The following GARIN3 variants were observed in gnomAD, a reference collection of about 807,000 sequenced individuals.
GARIN3 encodes Golgi-associated RAB2 interactor protein 3.
At chr5:157,164,974 G>A in the GARIN3 span, among the ~76,000 whole-genome samples, 6 of 152,094 alleles carry the variant, frequency 3.9e-5, no homozygotes, top group Non-Finnish European at 7.4e-5. Flanking sequence ...AGCCGAGATC[G>A]TGCCATTGCA....
At chr5:157,162,775 C>A in the GARIN3 span, 8 of 1,614,192 alleles carry the variant, frequency 5.0e-6, no homozygotes, top group Admixed American at 1.2e-4. Context: ...GGAGCTCTTG[C>A]GAGAGGAGCC....
At chr5:157,166,032 A>T in the GARIN3 span, 1 of 1,614,118 alleles carries the variant, frequency 6.2e-7, no homozygotes, top group Non-Finnish European at 8.5e-7. Context: ...ACTCTCGAAC[A>T]TTGGTGCATA....
the GARIN3 span, chr5:157,165,985 C>G: frequency 6.2e-7 from 1 of 1,614,182 alleles, no homozygotes. Flanking sequence ...TTGTGTACAT[C>G]AATCACCTCT....
At chr5:157,165,871 C>T in the GARIN3 span, 2 of 1,614,060 alleles carry the variant, frequency 1.2e-6, no homozygotes, top group Admixed American at 1.7e-5. Context: ...CCCCATCTGA[C>T]ATGCTGTTCA....
chr5:157,165,596 C>A, the GARIN3 span: 3 of 1,613,422 alleles, frequency 1.9e-6, no homozygotes, highest in South Asian at 3.3e-5. Context: ...GTGGTGCGTC[C>A]CCAGATAGAA....
the GARIN3 span, chr5:157,163,626 A>G: frequency 6.2e-7 from 1 of 1,613,730 alleles, no homozygotes; most frequent in Non-Finnish European, 8.5e-7. Context: ...GCCCAGTCTC[A>G]CTCTGATCCC....
the GARIN3 span, chr5:157,162,620 T>A: frequency 3.7e-6 from 6 of 1,614,184 alleles, no homozygotes; most frequent in Non-Finnish European, 5.1e-6. Context: ...GTGACCCTTG[T>A]TTTTGAACCA....
chr5:157,163,145 C>T, the GARIN3 span: 29 of 1,614,198 alleles, frequency 1.8e-5, no homozygotes, highest in Non-Finnish European at 2.5e-5. Context: ...GCAAACGCCG[C>T]ACTCAAGCTG....
the GARIN3 span, chr5:157,163,777 C>T: frequency 1.8e-5 from 25 of 1,365,574 alleles, no homozygotes; most frequent in South Asian, 1.5e-4. Context: ...GAACCTGGGT[C>T]GGGTGTGGTG....
the GARIN3 span, chr5:157,162,208 G>A: frequency 1.7e-6 from 1 of 574,326 alleles, no homozygotes; most frequent in Non-Finnish European, 3.0e-6. Flanking sequence ...CTGGCCGTGG[G>A]CGGGTGGTGG....
At chr5:157,165,928 G>T in the GARIN3 span, 335 of 1,614,198 alleles carry the variant, frequency 2.1e-4, 4 homozygotes, top group South Asian at 2.7e-3. Flanking sequence ...GGCAGTGGGA[G>T]GATGGGGCTG....
the GARIN3 span, among the ~76,000 whole-genome samples, chr5:157,165,384 G>A: frequency 5.9e-5 from 9 of 152,276 alleles, no homozygotes; most frequent in African/African-American, 1.9e-4. Context: ...GGACACACAA[G>A]CCCTCCCACC....
the GARIN3 span, among the ~76,000 whole-genome samples, chr5:157,165,347 C>T: frequency 6.6e-6 from 1 of 152,174 alleles, no homozygotes; most frequent in African/African-American, 2.4e-5. Flanking sequence ...TAGCTGATAC[C>T]TAAGGTCTCT....
At chr5:157,165,760 T>C in the GARIN3 span, 1 of 1,614,008 alleles carries the variant, frequency 6.2e-7, no homozygotes, top group Non-Finnish European at 8.5e-7. Context: ...AGCTGCTGTT[T>C]CTCATGATCG....
At chr5:157,162,574 A>G in the GARIN3 span, 203,139 of 1,613,814 alleles carry the variant, frequency 0.13, 14,083 homozygotes, top group African/African-American at 0.24. Context: ...CTTCTCCACC[A>G]TCTTAGCCAC....
the GARIN3 span, chr5:157,165,669 T>C: frequency 6.2e-7 from 1 of 1,614,110 alleles, no homozygotes; most frequent in Non-Finnish European, 8.5e-7. Flanking sequence ...TTTTTCCCAA[T>C]AGCAAAAGAG....
the GARIN3 span, chr5:157,163,430 T>C: frequency 1.2e-6 from 2 of 1,614,240 alleles, no homozygotes; most frequent in Non-Finnish European, 1.7e-6. Context: ...ACATCTGTTC[T>C]AGGTCCTGTT....
At chr5:157,163,861 G>C in the GARIN3 span, among the ~76,000 whole-genome samples, 3 of 152,174 alleles carry the variant, frequency 2.0e-5, no homozygotes, top group African/African-American at 7.2e-5. Context: ...TTCAAGACCA[G>C]CCTTGCCAAC....
chr5:157,165,019 CA>C, the GARIN3 span, among the ~76,000 whole-genome samples: 3 of 150,996 alleles, frequency 2.0e-5, no homozygotes, highest in East Asian at 1.9e-4. Context: ...AACTCTGTCT[CA>C]AAAAAAAATT....
Sources: gnomAD v4.1 joint callset for allele counts (sites outside exome capture counted in the v4.1 genomes callset) on GRCh38, gnomAD v4.1.1 for gene constraint, MANE v1.5 for transcripts, NCBI Gene and HGNC (gene_info 2026-07-23, HGNC 2026-07-21) for gene names.